Variants in RSPRY1 observed in about 807,000 individuals in gnomAD.
RSPRY1 encodes the protein RING finger and SPRY domain-containing protein 1.
RSPRY1 carries 23 observed loss-of-function variants against 73.1 expected under a neutral mutation model. That is an observed-to-expected ratio of 0.31 (90% CI 0.23 to 0.45). RSPRY1 has a LOEUF of 0.45. Ranked by LOEUF, RSPRY1 falls within the 20% of genes least tolerant of loss-of-function variation. The pLI is 1.00. For missense variants in RSPRY1, 448 were observed against 698.7 expected (o/e 0.64, Z 4.05); for synonymous variants, 226 against 251.4 (o/e 0.90, Z 0.95).
chr16:57,212,579 A>G (rs2074863476), intron 4 of RSPRY1, among the ~76,000 whole-genome samples: 1 of 152,026 alleles, frequency 6.6e-6, no homozygotes, highest in Admixed American at 6.6e-5. Context: ...CATAATTTTT[A>G]TATGGTCATT....
chr16:57,227,412 A>G lies in RSPRY1; in HGVS notation c.1232A>G (p.Asn411Ser). ...GGCTGCCGGCAGCTGATTTGGTACAATGCCAGAAGTAAGCCTCACATACAC... is the reference window on the plus strand; with the variant it reads ...GGCTGCCGGCAGCTGATTTGGTACAGTGCCAGAAGTAAGCCTCACATACAC... ...YDGCRQLIWYNARSKPHIHPC... is the reference protein window; with the variant it reads ...YDGCRQLIWYSARSKPHIHPC... Residue 411 changes from asparagine (N) to serine (S), a missense_variant, in exon 11 of 15, where the codon AAT becomes AGT. Physicochemically the swap from Asn to Ser is conservative, Grantham distance 46. Transcript: ENST00000394420. 2.5e-6 allele frequency: 4 copies of G among 1,614,146 alleles called. No homozygotes were observed. Among genetic ancestry groups the G allele is most frequent in the Non-Finnish European group, 2.5e-6 (3 of 1,180,000 alleles).
At chr16:57,235,084 C>A in intron 13 of RSPRY1, 40 bp from the exon 14 acceptor site, 1 of 1,449,510 alleles carries the variant, frequency 6.9e-7, no homozygotes, top group Non-Finnish European at 9.7e-7. Flanking sequence ...AACAGGACCC[C>A]TGTTGACAAA....
intron 13 of RSPRY1, among the ~76,000 whole-genome samples, chr16:57,232,876 G>GT (rs1244685437): frequency 1.3e-5 from 2 of 152,212 alleles, no homozygotes; most frequent in Admixed American, 6.5e-5. Flanking sequence ...TCTCTAGACT[G>GT]TTTTCTCTGA....
intron 4 of RSPRY1, among the ~76,000 whole-genome samples, chr16:57,210,075 T>TTCCTTCCTTCC (rs1193753684): frequency 1.4e-5 from 2 of 138,056 alleles, no homozygotes; most frequent in Admixed American, 7.5e-5. Flanking sequence ...TCCTTCCTTC[T>TTCCTTCCTTCC]TTCCTTCCCT....
chr16:57,229,337 C>A (rs1567514416), intron 11 of RSPRY1, among the ~76,000 whole-genome samples: 2 of 152,152 alleles, frequency 1.3e-5, no homozygotes, highest in African/African-American at 4.8e-5. Flanking sequence ...CGTGGTGGCT[C>A]ATACTTTTAA....
intron 13 of RSPRY1, among the ~76,000 whole-genome samples, chr16:57,231,705 AACTT>A (rs2075223416): frequency 6.6e-6 from 1 of 152,224 alleles, no homozygotes; most frequent in Non-Finnish European, 1.5e-5. Flanking sequence ...ACTGCAAACT[AACTT>A]CACGTGAATG....
At chr16:57,200,803 A>C (rs1305120594) in intron 1 of RSPRY1, among the ~76,000 whole-genome samples, 33 of 75,950 alleles carry the variant, frequency 4.3e-4, no homozygotes, top group South Asian at 1.5e-3. Context: ...CCCCCCCCAC[A>C]TCCTTCCCGG....
At chr16:57,210,766 T>C (rs1250741291) in intron 4 of RSPRY1, among the ~76,000 whole-genome samples, 2 of 150,930 alleles carry the variant, frequency 1.3e-5, no homozygotes, top group Non-Finnish European at 2.9e-5. Flanking sequence ...ACTTGTAATC[T>C]CAACACTTTG....
chr16:57,207,094 A>G (rs2074740472), intron 2 of RSPRY1, among the ~76,000 whole-genome samples: 1 of 152,258 alleles, frequency 6.6e-6, no homozygotes. Flanking sequence ...TGCAGTGAAC[A>G]GCGCAAATAT....
At chr16:57,205,877 T>C (rs2074715407) in intron 2 of RSPRY1, among the ~76,000 whole-genome samples, 1 of 152,222 alleles carries the variant, frequency 6.6e-6, no homozygotes, top group South Asian at 2.1e-4. Context: ...TAACAGTTGC[T>C]CAGTAGATGG....
intron 6 of RSPRY1, among the ~76,000 whole-genome samples, chr16:57,215,059 G>T (rs1026369841): frequency 1.2e-4 from 19 of 152,192 alleles, no homozygotes; most frequent in African/African-American, 4.3e-4. Flanking sequence ...GAGAAGGTGG[G>T]TGGTATGGGT....
rs80136420 is a variant in RSPRY1, at chr16:57,190,928, A to G, written c.-156+4477A>G. On this transcript the variant is annotated intron_variant, in intron 1 of 14. Transcript: ENST00000394420. ...AAATAGTGGTGGCCTCTTAGAGAACATTCCGCTTTGTTTCTGAGCTTTTGA... is the reference window on the plus strand; with the variant it reads ...AAATAGTGGTGGCCTCTTAGAGAACGTTCCGCTTTGTTTCTGAGCTTTTGA... Among the ~76,000 whole-genome samples the G allele has an allele frequency of 4.4e-3, 665 of 152,152 alleles. 5 individuals carry two copies. The highest frequency in any genetic ancestry group is 0.015 in the African/African-American group (630 of 41,386).
At chr16:57,235,413 T>A (rs1234963222) in intron 14 of RSPRY1, among the ~76,000 whole-genome samples, 185 bp downstream of exon 14, 1 of 152,222 alleles carries the variant, frequency 6.6e-6, no homozygotes, top group Non-Finnish European at 1.5e-5. Flanking sequence ...GCTGTTTTGT[T>A]TACTCAGTAC....
chr16:57,236,688 A>G (rs1640258203), intron 14 of RSPRY1, among the ~76,000 whole-genome samples: 2 of 152,244 alleles, frequency 1.3e-5, no homozygotes, highest in South Asian at 2.1e-4. Flanking sequence ...CAAACCATAG[A>G]GAAAGTAGGA....
chr16:57,221,461 C>CT, intron 10 of RSPRY1, 46 bp downstream of exon 10: 1 of 1,549,054 alleles, frequency 6.5e-7, no homozygotes, highest in Non-Finnish European at 8.7e-7. Flanking sequence ...TGGCAGTTTG[C>CT]TTTTTCCCCC....
chr16:57,200,663 TG>T (rs2074559557), intron 1 of RSPRY1, among the ~76,000 whole-genome samples: 2 of 116,724 alleles, frequency 1.7e-5, no homozygotes, highest in Admixed American at 8.1e-5. Context: ...GGCGGGGGGC[TG>T]ACCCCCCCAC....
intron 1 of RSPRY1, among the ~76,000 whole-genome samples, chr16:57,194,013 C>G (rs2074395067): frequency 6.6e-6 from 1 of 151,886 alleles, no homozygotes; most frequent in South Asian, 2.1e-4. Flanking sequence ...TTGTGGTAAA[C>G]TGGGATCACA....
chr16:57,215,027 C>CAA (rs1403105827), intron 6 of RSPRY1, among the ~76,000 whole-genome samples: 2 of 125,758 alleles, frequency 1.6e-5, no homozygotes, highest in East Asian at 4.5e-4. Context: ...GACTCCATCT[C>CAA]AAAAAAAAAA....
chr16:57,230,677 CA>C, intron 11 of RSPRY1, 33 bp from the exon 12 acceptor site: 1 of 1,205,448 alleles, frequency 8.3e-7, no homozygotes, highest in African/African-American at 1.5e-5. Context: ...TAGTACACAT[CA>C]TTATCCTAAC....
Sources: gnomAD v4.1 joint callset for allele counts (sites outside exome capture counted in the v4.1 genomes callset) on GRCh38, gnomAD v4.1.1 for gene constraint, MANE v1.5 for transcripts, NCBI Gene and HGNC (gene_info 2026-07-23, HGNC 2026-07-21) for gene names.